The following RWDD3 variants were observed in gnomAD, a reference collection of about 807,000 sequenced individuals.
RWDD3 encodes the protein RWD domain-containing protein 3.
Under a neutral mutation model 26.5 loss-of-function variants are expected in RWDD3, and 30 were observed. The ratio of observed to expected loss-of-function variants is 1.13; its 90% CI spans 0.85 to 1.54. The LOEUF (loss-of-function observed/expected upper bound fraction) is 1.54. RWDD3 is among the 40% of genes most tolerant of loss of function. RWDD3 has a pLI of 0.00. For missense variants in RWDD3, 296 were observed against 309.1 expected (o/e 0.96, Z 0.32); for synonymous variants, 113 against 114.5 (o/e 0.99, Z 0.09).
chr1:95,239,695 A>T, intron 1 of RWDD3: 1 of 1,137,716 alleles, frequency 8.8e-7, no homozygotes, highest in Non-Finnish European at 1.1e-6. Flanking sequence ...TTTTCTTCCG[A>T]ACATATAACT....
chr1:95,239,193 G>T (rs1680498748), intron 1 of RWDD3, among the ~76,000 whole-genome samples: 1 of 152,094 alleles, frequency 6.6e-6, no homozygotes, highest in African/African-American at 2.4e-5. Context: ...TAAGGTTCTG[G>T]GGGGCTAAGG....
intron 3 of RWDD3, 41 bp from the exon 4 acceptor site, chr1:95,246,715 C>A: frequency 6.6e-7 from 1 of 1,526,154 alleles, no homozygotes; most frequent in Non-Finnish European, 8.9e-7. Context: ...TATACTCTGA[C>A]AAATCTAGGC....
chr1:95,235,351 CTTTTT>C (rs1166711835), intron 1 of RWDD3, among the ~76,000 whole-genome samples: 21 of 41,364 alleles, frequency 5.1e-4, no homozygotes, highest in African/African-American at 1.6e-3. Context: ...TGCGCCCGGC[CTTTTT>C]TTTTTTTTTT....
At chr1:95,246,372 A>G (rs1680850592) in intron 2 of RWDD3, 170 bp from the exon 3 acceptor site, 5 of 540,512 alleles carry the variant, frequency 9.3e-6, no homozygotes, top group Non-Finnish European at 1.7e-5. Context: ...ATCCACCACT[A>G]CATTATTCTG....
At chr1:95,235,885 C>G (rs1455400664) in intron 1 of RWDD3, among the ~76,000 whole-genome samples, 8 of 151,588 alleles carry the variant, frequency 5.3e-5, no homozygotes, top group Admixed American at 5.3e-4. Flanking sequence ...AAAGAAAAAA[C>G]ACTGCCATGT....
Position 95,244,468 on chromosome 1 carries a change from C to T in RWDD3, c.343C>T (p.Leu115Phe), listed in dbSNP as rs768808985. 21 of 1,614,046 alleles carry T rather than the reference C, an allele frequency of 1.3e-5. No homozygotes were observed. Among genetic ancestry groups the T allele is most frequent in the African/African-American group, 2.7e-5 (2 of 74,918 alleles). The change falls in exon 2 of 4, where the codon CTC (leucine) becomes TTC (phenylalanine). Residue 115 changes from leucine to phenylalanine, a missense_variant. Leu to Phe is a conservative substitution (Grantham distance 22). Transcript: ENST00000370202. ...GATTCAGCAGAATCTCAGGCATATC[C>T]TCAGCCAACCAGAAACTGGCAGTGG... ...LWIQQNLRHI[L>F]SQPETGSGSE...
chr1:95,234,723 A>G (rs756257178), intron 1 of RWDD3, among the ~76,000 whole-genome samples: 2 of 151,232 alleles, frequency 1.3e-5, no homozygotes, highest in Non-Finnish European at 2.9e-5. Flanking sequence ...CCCCGGTTCT[A>G]ACTCTACACG....
intron 1 of RWDD3, among the ~76,000 whole-genome samples, chr1:95,236,222 A>T (rs1680349302): frequency 6.6e-6 from 1 of 151,942 alleles, no homozygotes; most frequent in South Asian, 2.1e-4. Flanking sequence ...GCTACTCGGG[A>T]GGCTGAGGCA....
At chr1:95,239,228 T>C (rs946858441) in intron 1 of RWDD3, among the ~76,000 whole-genome samples, 1 of 152,170 alleles carries the variant, frequency 6.6e-6, no homozygotes, top group Non-Finnish European at 1.5e-5. Context: ...GTATTAGATT[T>C]AGAGCATAAT....
At chr1:95,236,081 T>A (rs1680342984) in intron 1 of RWDD3, among the ~76,000 whole-genome samples, 1 of 152,118 alleles carries the variant, frequency 6.6e-6, no homozygotes, top group Non-Finnish European at 1.5e-5. Context: ...ATCCCAGCAC[T>A]TTGGGAGGCC....
chr1:95,238,261 G>A (rs1273673365), intron 1 of RWDD3, among the ~76,000 whole-genome samples: 1 of 152,170 alleles, frequency 6.6e-6, no homozygotes, highest in Non-Finnish European at 1.5e-5. Flanking sequence ...CAACACTAAT[G>A]TTCAAATTAG....
intron 1 of RWDD3, among the ~76,000 whole-genome samples, chr1:95,240,879 T>G (rs1314874105): frequency 6.6e-6 from 1 of 151,686 alleles, no homozygotes; most frequent in Non-Finnish European, 1.5e-5. Context: ...GCTTTAAGAT[T>G]TTATGCCTAG....
At chr1:95,241,562 G>C (rs186082423) in intron 1 of RWDD3, among the ~76,000 whole-genome samples, 1 of 152,314 alleles carries the variant, frequency 6.6e-6, no homozygotes, top group Admixed American at 6.5e-5. Flanking sequence ...ATAAACTCTA[G>C]CTTCCAAGGC....
At chr1:95,239,855 C>T in intron 1 of RWDD3, 2 of 1,289,668 alleles carry the variant, frequency 1.6e-6, no homozygotes, top group South Asian at 1.2e-5. Context: ...AAGACTTTCC[C>T]CCTGGACTAC....
In RWDD3 at chr1:95,244,305, T is replaced by A; in HGVS notation, c.180T>A (p.Asn60Lys). 6.2e-7 allele frequency: 1 copy of A among 1,614,228 alleles called. No individual in the cohort carries two copies. Among genetic ancestry groups the A allele is most frequent in the Non-Finnish European group, 8.5e-7 (1 of 1,180,038 alleles). The change falls in exon 2 of 4, where the codon AAT (asparagine) becomes AAA (lysine). Residue 60 changes from asparagine (N) to lysine (K), a missense_variant. Coordinates refer to ENST00000370202, the MANE Select transcript of RWDD3 (RefSeq NM_015485.5). ...AATTGGTGTTCCATTTGCCAGTCAA[T>A]TATCCTTCATGTCTACCTGGTATCT... ...PLELVFHLPV[N>K]YPSCLPGISI... is the part of the protein sequence containing the mutation.
chr1:95,235,804 T>G (rs1680321176), intron 1 of RWDD3, among the ~76,000 whole-genome samples: 1 of 151,796 alleles, frequency 6.6e-6, no homozygotes, highest in African/African-American at 2.4e-5. Context: ...TGTAGAGAGG[T>G]TCTTTTGACT....
chr1:95,246,446 G>T (rs1680853646), intron 2 of RWDD3, 96 bp from the exon 3 acceptor site: 1 of 619,748 alleles, frequency 1.6e-6, no homozygotes, highest in Admixed American at 2.9e-5. Flanking sequence ...GGGTATTTAA[G>T]CATGAAAATA....
In RWDD3 at chr1:95,246,966, G is replaced by A. The variant is rs766503471; in HGVS notation, c.*96G>A. The A allele has an allele frequency of 8.2e-5, 54 of 657,528 alleles. 1 individual carries two copies. Among genetic ancestry groups the A allele is most frequent in the Non-Finnish European group, 1.2e-4 (50 of 416,024 alleles). 40.7% of individuals were successfully genotyped at this position (657,528 alleles called of 1,614,324 possible). On this transcript the variant is annotated 3_prime_UTR_variant, in exon 4 of 4. Transcript: ENST00000370202. Reference sequence around the variant, plus strand: ...GTTAATTGAAATAGTCAATTTTAAAGTTTCTCTGAAGCAAAATGATAGGCA... The same window carrying A: ...GTTAATTGAAATAGTCAATTTTAAAATTTCTCTGAAGCAAAATGATAGGCA...
intron 1 of RWDD3, among the ~76,000 whole-genome samples, chr1:95,241,154 T>C (rs1680602014): frequency 6.6e-6 from 1 of 151,526 alleles, no homozygotes. Flanking sequence ...AAGAGCAAGA[T>C]GATTAAAAAA....
Sources: allele counts gnomAD v4.1 joint callset (sites outside exome capture counted in the v4.1 genomes callset), GRCh38; gene constraint gnomAD v4.1.1; transcripts MANE v1.5; gene names NCBI Gene and HGNC (gene_info 2026-07-23, HGNC 2026-07-21).